The following CEPT1 variants were observed in gnomAD, a reference collection of about 807,000 sequenced individuals.
The protein encoded by CEPT1 is choline/ethanolamine phosphotransferase 1, also known as choline/ethanolaminephosphotransferase 1.
In CEPT1, 7 loss-of-function variants were observed where a neutral mutation model predicts 42.6. The ratio of observed to expected loss-of-function variants is 0.16; its 90% CI spans 0.09 to 0.31. The LOEUF (loss-of-function observed/expected upper bound fraction) is 0.31, where lower values mean the gene tolerates loss of function less well. Among genes scored for constraint, CEPT1 ranks in the 10% least tolerant of loss-of-function variants. The probability of loss-of-function intolerance (pLI) is 1.00; values close to 1 mark genes in which losing one functional copy is unlikely to be tolerated. For synonymous variants in CEPT1, 171 were observed against 171.9 expected, an observed-to-expected ratio of 0.99 and a Z score of 0.04; for missense variants, 306 against 502.1, an observed-to-expected ratio of 0.61 and a Z score of 3.73.
chr1:111,167,498 G>A, intron 4 of CEPT1: 4 of 863,814 alleles, frequency 4.6e-6, no homozygotes, highest in Non-Finnish European at 5.6e-6. Flanking sequence ...CTTTCCACCA[G>A]TAAATAGAAT....
chr1:111,174,329 T>G (rs148911077), intron 4 of CEPT1, among the ~76,000 whole-genome samples: 260 of 152,184 alleles, frequency 1.7e-3, no homozygotes, highest in Non-Finnish European at 2.2e-3. Flanking sequence ...GTAGTTAACC[T>G]AGTAAGAATA....
chr1:111,139,961 C>T (rs1218267221), upstream of CEPT1: 4 of 152,478 alleles, frequency 2.6e-5, no homozygotes, highest in African/African-American at 9.7e-5. Flanking sequence ...TGCCAGATCC[C>T]ACCCTCTGAC....
chr1:111,178,821 C>G (rs1015004706), intron 5 of CEPT1: 2 of 152,128 alleles, frequency 1.3e-5, no homozygotes, highest in South Asian at 4.1e-4. Flanking sequence ...TTCATTTGGT[C>G]AGACTGAAGA....
chr1:111,151,592 A>G (rs1021764522), intron 2 of CEPT1, among the ~76,000 whole-genome samples: 1 of 152,328 alleles, frequency 6.6e-6, no homozygotes, highest in African/African-American at 2.4e-5. Context: ...GGATTGATAG[A>G]AAGGGAATGT....
At chr1:111,179,684 T>A (rs556914305) in intron 5 of CEPT1, 1 of 152,314 alleles carries the variant, frequency 6.6e-6, no homozygotes, top group Admixed American at 6.5e-5. Context: ...CTTTGCCTCA[T>A]ATTTTCTTGG....
rs3790716 is a variant in CEPT1, at chr1:111,150,378, A to G, written c.339+2325A>G. Among the ~76,000 whole-genome samples the G allele has an allele frequency of 1.7e-3, 262 of 152,342 alleles. 4 individuals are homozygous for G. The East Asian group carries it at 0.048, about 28-fold the overall frequency. ...ATCAAAAAGATTAGGTATATAATCT[A>G]TTCTTCCACAGCCCCCTTCCCATTC... On this transcript the variant is annotated intron_variant, in intron 2 of 8. Transcript: ENST00000357172.
chr1:111,143,522 G>T (rs2101215861), intron 1 of CEPT1: 1 of 152,142 alleles, frequency 6.6e-6, no homozygotes, highest in East Asian at 1.9e-4. Context: ...GCATTTATAT[G>T]TTGGCTGAAT....
At chr1:111,168,424 T>C (rs934268775) in intron 4 of CEPT1, among the ~76,000 whole-genome samples, 2 of 152,008 alleles carry the variant, frequency 1.3e-5, no homozygotes, top group Non-Finnish European at 2.9e-5. Flanking sequence ...AAAAAAGAAT[T>C]GTAAACATTT....
chr1:111,141,855 C>T (rs1434855872), intron 1 of CEPT1, among the ~76,000 whole-genome samples: 2 of 151,210 alleles, frequency 1.3e-5, no homozygotes, highest in African/African-American at 4.9e-5. Flanking sequence ...TATAATTTGC[C>T]CTTCCTTTCT....
At chr1:111,148,383 A>C (rs1345645046) in intron 2 of CEPT1, among the ~76,000 whole-genome samples, 5 of 152,170 alleles carry the variant, frequency 3.3e-5, no homozygotes, top group Non-Finnish European at 5.9e-5. Context: ...AGCAAAAAAA[A>C]AAAAAACAGT....
chr1:111,163,125 C>T (rs1254391098), intron 4 of CEPT1, among the ~76,000 whole-genome samples: 2 of 151,748 alleles, frequency 1.3e-5, no homozygotes, highest in Admixed American at 1.3e-4. Flanking sequence ...GCCACTGACA[C>T]TAGAGTGCTT....
At position 111,174,902 on chromosome 1, in the gene CEPT1, T is replaced by C. The variant is rs781130476; in HGVS notation, c.653T>C (p.Ile218Thr). The C allele has an allele frequency of 2.5e-6, 4 of 1,612,602 alleles. No individual in the cohort carries two copies. In the South Asian group the frequency reaches 4.4e-5, roughly 18 times the overall value. The change falls in exon 5 of 9, where the codon ATC (isoleucine) becomes ACC (threonine). Residue 218 changes from isoleucine to threonine, a missense_variant. Physicochemically the swap from Ile to Thr is moderately conservative, Grantham distance 89. Around this residue, in one of 2 missense-constraint regions of CEPT1, gnomAD observed 253 missense variants for 447.3 expected, o/e 0.57. Transcript: ENST00000357172. ...AGAATTGATGTGACTGAAGTGCAAA[T>C]CTTCATAATAATCATGCATTTGCTG... ...FGIIDVTEVQ[I>T]FIIIMHLLAV... is the part of the protein sequence containing the mutation.
rs909760015 is a variant in CEPT1, at chr1:111,161,832, T to C, written c.629+536T>C. ...TTTATCTGTCAGCCCTAATGTATTC[T>C]CTTTCCCTTTCAAATAATACATCAC... is the stretch of plus-strand genomic sequence containing the variant. On this transcript the variant is annotated intron_variant, in intron 4 of 8. Transcript: ENST00000357172. 3.9e-4 allele frequency among the ~76,000 whole-genome samples: 59 copies of C among 152,348 alleles called. 1 individual carries two copies. Among genetic ancestry groups the C allele is most frequent in the African/African-American group, 1.3e-3 (53 of 41,580 alleles).
Position 111,184,392 on chromosome 1 carries a change from C to A in CEPT1, c.*82C>A. The A allele has an allele frequency of 9.4e-7, 1 of 1,062,450 alleles. No individual in the cohort carries two copies. The highest frequency in any genetic ancestry group is 1.6e-5 in the South Asian group (1 of 62,444). The allele number at this position is 1,062,450 out of a possible 1,614,324, so 65.8% of individuals were successfully genotyped here. A position where few individuals can be genotyped will look rare whatever the true frequency, so the allele number is the denominator to read the frequency against. On this transcript the variant is annotated 3_prime_UTR_variant, in exon 9 of 9. Transcript: ENST00000357172. ...TAAGGAGAATGGGGGTGGATAAGAA[C>A]AAATATAATTTATAATAATCAATGT... is the stretch of plus-strand genomic sequence containing the variant.
chr1:111,170,426 T>G (rs1290069444), intron 4 of CEPT1, among the ~76,000 whole-genome samples: 1 of 152,192 alleles, frequency 6.6e-6, no homozygotes, highest in East Asian at 1.9e-4. Flanking sequence ...AAAAATAGAC[T>G]TGTCTTGCTG....
chr1:111,159,292 A>G lies in CEPT1; in HGVS notation c.340-88A>G. ...ATCTTCTCTCCCATAGCTTCCAACT[A>G]GCTTTCCAACCTGCAGGTAAAAATA... On this transcript the variant is annotated intron_variant, in intron 2 of 8. Coordinates refer to ENST00000357172, the MANE Select transcript of CEPT1 (RefSeq NM_006090.5). 2.4e-5 allele frequency: 30 copies of G among 1,264,656 alleles called. No homozygotes were observed. The South Asian group carries it at 2.9e-4, about 12-fold the overall frequency. The allele number at this position is 1,264,656 out of a possible 1,614,324, so 78.3% of individuals were successfully genotyped here.
At chr1:111,144,104 T>C (rs879621747) in intron 1 of CEPT1, among the ~76,000 whole-genome samples, 7 of 152,204 alleles carry the variant, frequency 4.6e-5, no homozygotes, top group Non-Finnish European at 1.0e-4. Context: ...CTCGCCACAT[T>C]GTCCTGATCT....
Position 111,147,969 on chromosome 1 carries a change from A to T in CEPT1, c.255A>T (p.Pro85=). ...GAAGAGTTCCCTCCTGGATTGCCCC[A>T]AATCTCATCACCATCATTGGACTGT... ...LVRRVPSWIA[P]NLITIIGLSI... is the part of the protein sequence containing the mutation. The change falls in exon 2 of 9, where the codon CCA becomes CCT. Residue 85 remains proline, a synonymous_variant. Coordinates refer to ENST00000357172, the MANE Select transcript of CEPT1 (RefSeq NM_006090.5). 12 of 1,614,146 alleles carry T rather than the reference A, an allele frequency of 7.4e-6. No individual in the cohort carries two copies. The highest frequency in any genetic ancestry group is 1.0e-5 in the Non-Finnish European group (12 of 1,180,016).
chr1:111,167,562 G>A, intron 4 of CEPT1: 6 of 952,832 alleles, frequency 6.3e-6, no homozygotes, highest in Non-Finnish European at 7.5e-6. Flanking sequence ...GTTTTTCTTA[G>A]GTAAGGAAGT....
Sources: allele counts gnomAD v4.1 joint callset (sites outside exome capture counted in the v4.1 genomes callset), GRCh38; gene constraint gnomAD v4.1.1; regional missense constraint gnomAD v4.1.1; transcripts MANE v1.5; gene names NCBI Gene and HGNC (gene_info 2026-07-23, HGNC 2026-07-21).